KYAT3: variants seen among roughly 807,000 people sequenced by gnomAD.
The protein encoded by KYAT3 is kynurenine--oxoglutarate transaminase 3.
A neutral mutation model predicts 59.0 loss-of-function variants in KYAT3; 50 were observed. The ratio of observed to expected loss-of-function variants is 0.85; its 90% CI spans 0.68 to 1.07. The LOEUF (loss-of-function observed/expected upper bound fraction) is 1.07. Among genes scored for constraint, KYAT3 ranks in the 50% least tolerant of loss-of-function variants. KYAT3 has a pLI of 0.00. For synonymous variants in KYAT3, 148 were observed against 177.0 expected, an observed-to-expected ratio of 0.84 and a Z score of 1.30; for missense variants, 497 against 533.3, an observed-to-expected ratio of 0.93 and a Z score of 0.67.
the KYAT3 span, among the ~76,000 whole-genome samples, chr1:88,930,756 C>G: frequency 6.6e-6 from 1 of 152,146 alleles, no homozygotes; most frequent in African/African-American, 2.4e-5. Context: ...TTCCCAACTT[C>G]CGAGGGATCA....
intron 11 of KYAT3, among the ~76,000 whole-genome samples, chr1:88,945,956 T>C (rs926989669): frequency 5.3e-5 from 8 of 152,222 alleles, no homozygotes; most frequent in African/African-American, 1.9e-4. Context: ...TTTTTGCTCC[T>C]ATTATCACCA....
chr1:88,964,344 C>T (rs1170334357), intron 5 of KYAT3, among the ~76,000 whole-genome samples: 1 of 152,156 alleles, frequency 6.6e-6, no homozygotes, highest in Non-Finnish European at 1.5e-5. Context: ...GATTCTTTTT[C>T]CCTGGCAGTG....
At chr1:88,983,443 G>A in intron 2 of KYAT3, 1 of 1,614,180 alleles carries the variant, frequency 6.2e-7, no homozygotes, top group South Asian at 1.1e-5. Context: ...CATCATCCAT[G>A]TGTCCTCCTC....
chr1:88,932,992 G>T (rs559424186), downstream of KYAT3, among the ~76,000 whole-genome samples: 1 of 152,126 alleles, frequency 6.6e-6, no homozygotes, highest in East Asian at 1.9e-4. Flanking sequence ...TCCTGTCTTT[G>T]AAGTATTGCA....
chr1:88,983,049 A>T, intron 2 of KYAT3: 1 of 1,612,696 alleles, frequency 6.2e-7, no homozygotes, highest in Non-Finnish European at 8.5e-7. Flanking sequence ...CTATCGCCAT[A>T]GCCTCTTGAT....
rs774459748 is a variant in KYAT3, at chr1:88,953,141, G to A, written c.876C>T (p.Ser292=). 7 of 1,610,714 alleles carry A rather than the reference G, an allele frequency of 4.3e-6. No homozygotes were observed. The South Asian group carries it at 6.6e-5, about 15-fold the overall frequency. Residue 292 remains serine (S), a synonymous_variant, in exon 10 of 14, where the codon TCC becomes TCT. Coordinates refer to ENST00000260508, the MANE Select transcript of KYAT3 (RefSeq NM_001008661.3). ...FSVTGWKLGW[S]IGPNHLIKHL... is the part of the protein sequence containing the mutation. ...GTTTTATCAAATGATTTGGACCAAT[G>A]GACCAGCCAAGCTGGGAAAGGAAAA...
chr1:88,932,104 A>G (rs542695837), downstream of KYAT3, among the ~76,000 whole-genome samples: 1 of 152,238 alleles, frequency 6.6e-6, no homozygotes, highest in East Asian at 1.9e-4. Flanking sequence ...CTGACATGCA[A>G]AGCTTCAATG....
chr1:88,968,451 A>G (rs967965137), intron 4 of KYAT3, among the ~76,000 whole-genome samples: 2 of 152,186 alleles, frequency 1.3e-5, no homozygotes, highest in Non-Finnish European at 2.9e-5. Flanking sequence ...ACAGTAAAGT[A>G]AGGGCCAAAA....
At chr1:88,932,245 G>A (rs1284925553), downstream of KYAT3, among the ~76,000 whole-genome samples, 1 of 152,164 alleles carries the variant, frequency 6.6e-6, no homozygotes, top group Non-Finnish European at 1.5e-5. Context: ...GTGTGTAGCT[G>A]TACTTTGTTA....
intron 12 of KYAT3, 73 bp from the exon 13 acceptor site, chr1:88,943,164 C>G (rs747881771): frequency 5.4e-5 from 63 of 1,164,628 alleles, no homozygotes; most frequent in Non-Finnish European, 7.6e-5. Flanking sequence ...ACTACAGATA[C>G]TAGAGGCAAC....
At chr1:88,933,360 AAGG>A (rs931702338), downstream of KYAT3, among the ~76,000 whole-genome samples, 5 of 152,040 alleles carry the variant, frequency 3.3e-5, no homozygotes, top group African/African-American at 4.8e-5. Flanking sequence ...TTATGGAAGG[AAGG>A]AGGAGAAGAA....
intron 2 of KYAT3, chr1:88,983,649 C>G: frequency 1.2e-6 from 2 of 1,613,918 alleles, no homozygotes; most frequent in Non-Finnish European, 1.7e-6. Flanking sequence ...TTAGCGTCTG[C>G]TGGGCTTTCA....
chr1:88,970,444 C>T (rs1384974034), intron 2 of KYAT3, among the ~76,000 whole-genome samples: 2 of 152,140 alleles, frequency 1.3e-5, no homozygotes, highest in Non-Finnish European at 1.5e-5. Flanking sequence ...AACATTTAAA[C>T]CCAAACAGGT....
intron 2 of KYAT3, among the ~76,000 whole-genome samples, chr1:88,986,464 G>T (rs555692273): frequency 8.0e-4 from 121 of 151,168 alleles, no homozygotes; most frequent in Non-Finnish European, 1.5e-3. Context: ...CTAATGTTTT[G>T]TATGTTTAAT....
At chr1:88,949,368 G>A (rs1178688155) in intron 10 of KYAT3, 91 bp from the exon 11 acceptor site, 2 of 915,658 alleles carry the variant, frequency 2.2e-6, no homozygotes, top group Middle Eastern at 2.2e-4. Flanking sequence ...GATGATCTGA[G>A]TAAAATTATT....
chr1:88,983,130 C>G (rs775468554), intron 2 of KYAT3: 2 of 1,612,430 alleles, frequency 1.2e-6, no homozygotes, highest in East Asian at 4.5e-5. Flanking sequence ...GGTGCATAAT[C>G]TCTTGTATCA....
chr1:88,955,343 C>A, intron 8 of KYAT3, 118 bp from the exon 9 acceptor site: 2 of 629,610 alleles, frequency 3.2e-6, no homozygotes, highest in South Asian at 2.1e-5. Context: ...ATAATTTAGC[C>A]AGTATAGTTA....
At chr1:88,923,380 G>A in the KYAT3 span, 204 of 152,738 alleles carry the variant, frequency 1.3e-3, no homozygotes, top group Middle Eastern at 6.8e-3. Context: ...GTTGCAGGGC[G>A]GAGTGTGGCT....
intron 8 of KYAT3, among the ~76,000 whole-genome samples, chr1:88,955,588 T>C (rs1280963179): frequency 1.3e-5 from 2 of 152,212 alleles, no homozygotes; most frequent in Non-Finnish European, 2.9e-5. Flanking sequence ...GCAGGTTCGA[T>C]AAAATAGGCC....
Sources: gnomAD v4.1 joint callset for allele counts (sites outside exome capture counted in the v4.1 genomes callset) on GRCh38, gnomAD v4.1.1 for gene constraint, MANE v1.5 for transcripts, NCBI Gene and HGNC (gene_info 2026-07-23, HGNC 2026-07-21) for gene names.